Variants in PSD3 observed in about 807,000 individuals in gnomAD.
PSD3 encodes the protein PH and SEC7 domain-containing protein 3.
A neutral mutation model predicts 105.5 loss-of-function variants in PSD3; 49 were observed. That is an observed-to-expected ratio of 0.46 (90% confidence interval 0.37 to 0.59). PSD3 has a LOEUF of 0.59. Ranked by LOEUF, PSD3 falls within the 20% of genes least tolerant of loss-of-function variation. The pLI is 0.00. For synonymous variants in PSD3, 557 were observed against 457.8 expected (o/e 1.22, Z -2.77); for missense variants, 1,561 against 1,263.8 (o/e 1.24, Z -3.57).
intron 9 of PSD3, among the ~76,000 whole-genome samples, chr8:18,761,254 A>G (rs6994455): frequency 0.19 from 29,180 of 152,108 alleles, 4,267 homozygotes; most frequent in African/African-American, 0.4. Context: ...AGCAGAGGCT[A>G]TGTATCTTTG....
At chr8:18,779,641 C>T (rs752538332) in intron 8 of PSD3, among the ~76,000 whole-genome samples, 1 of 151,868 alleles carries the variant, frequency 6.6e-6, no homozygotes, top group Non-Finnish European at 1.5e-5. Context: ...TGTTGTGTTC[C>T]CATTTTGATT....
chr8:18,746,336 T>C (rs563524391), intron 9 of PSD3, among the ~76,000 whole-genome samples: 2 of 152,186 alleles, frequency 1.3e-5, no homozygotes, highest in Non-Finnish European at 2.9e-5. Flanking sequence ...CTGCTGACCC[T>C]TGCTGAAAGC....
intron 12 of PSD3, among the ~76,000 whole-genome samples, chr8:18,580,159 T>A (rs758157716): frequency 6.6e-5 from 10 of 152,132 alleles, no homozygotes; most frequent in Non-Finnish European, 1.2e-4. Flanking sequence ...TATTTCAACA[T>A]GTAAAAGAGC....
intron 1 of PSD3, among the ~76,000 whole-genome samples, chr8:18,970,444 T>A (rs953572456): frequency 2.6e-5 from 4 of 151,846 alleles, no homozygotes; most frequent in Non-Finnish European, 2.9e-5. Context: ...ATTCGATGAA[T>A]TCCCTAAAGG....
At chr8:19,037,950 C>A (rs554063104) in intron 1 of PSD3, among the ~76,000 whole-genome samples, 65 of 148,978 alleles carry the variant, frequency 4.4e-4, no homozygotes, top group African/African-American at 1.6e-3. Context: ...GTTATATACA[C>A]ATTAAAAGTA....
chr8:19,053,502 T>C (rs1231549461), intron 1 of PSD3, among the ~76,000 whole-genome samples: 10 of 152,010 alleles, frequency 6.6e-5, no homozygotes, highest in Non-Finnish European at 4.4e-5. Flanking sequence ...TGAAGCCTAA[T>C]CAAGAGGGAA....
At chr8:18,957,223 T>C (rs59697257) in intron 1 of PSD3, among the ~76,000 whole-genome samples, 59,680 of 151,526 alleles carry the variant, frequency 0.39, 11,920 homozygotes, top group Non-Finnish European at 0.41. Flanking sequence ...ATACAAAAAT[T>C]AGCTGGGCAT....
chr8:18,825,760 G>A (rs950875032), intron 4 of PSD3, among the ~76,000 whole-genome samples: 3 of 152,160 alleles, frequency 2.0e-5, no homozygotes, highest in East Asian at 1.9e-4. Context: ...GCAACTCATT[G>A]CTGGCTTTAA....
At chr8:18,566,769 T>C (rs764990996) in intron 14 of PSD3, among the ~76,000 whole-genome samples, 15 of 152,192 alleles carry the variant, frequency 9.9e-5, no homozygotes, top group African/African-American at 2.9e-4. Context: ...CAATCCCTAA[T>C]TGTGATTATA....
At chr8:18,586,427 A>G (rs1803191938) in intron 12 of PSD3, among the ~76,000 whole-genome samples, 1 of 152,206 alleles carries the variant, frequency 6.6e-6, no homozygotes, top group Admixed American at 6.5e-5. Context: ...ATTGTTCTAT[A>G]TGGGTAAAAA....
intron 12 of PSD3, among the ~76,000 whole-genome samples, chr8:18,590,792 T>C (rs1803544321): frequency 6.6e-6 from 1 of 152,146 alleles, no homozygotes; most frequent in Admixed American, 6.5e-5. Flanking sequence ...TTATAAATGA[T>C]CTAGGGACAG....
In PSD3 at chr8:18,600,387, C is replaced by T; in HGVS notation, c.2458G>A (p.Gly820Arg). 1 of 1,607,466 alleles carries T rather than the reference C, an allele frequency of 6.2e-7. No homozygotes were observed. Among genetic ancestry groups the T allele is most frequent in the Non-Finnish European group, 8.5e-7 (1 of 1,178,254 alleles). The change falls in exon 12 of 16, where the codon GGA (glycine) becomes AGA (arginine). Residue 820 changes from glycine to arginine, a missense_variant. Transcript: ENST00000327040. ...ACCTTTTGCAAGTAAAGAACTGTTC[C>T]CTTCAGTACAGCATAAAAGGTTTTC... ...GWKTFYAVLK[G>R]TVLYLQKDEY... is the part of the protein sequence containing the mutation.
At chr8:18,899,265 C>T (rs927115117) in intron 2 of PSD3, among the ~76,000 whole-genome samples, 1 of 152,116 alleles carries the variant, frequency 6.6e-6, no homozygotes, top group African/African-American at 2.4e-5. Flanking sequence ...GAAATCCTTC[C>T]TCACCACCCC....
chr8:18,767,348 T>A (rs540067175), intron 8 of PSD3, among the ~76,000 whole-genome samples: 1 of 152,284 alleles, frequency 6.6e-6, no homozygotes, highest in African/African-American at 2.4e-5. Context: ...GACAGCAAGA[T>A]ACATCTGTTA....
intron 9 of PSD3, among the ~76,000 whole-genome samples, chr8:18,762,674 T>A (rs1806639777): frequency 6.6e-6 from 1 of 152,196 alleles, no homozygotes; most frequent in African/African-American, 2.4e-5. Context: ...CAACGAAAGC[T>A]GCAATGGAAT....
chr8:18,887,534 G>A (rs1198027999), intron 2 of PSD3, among the ~76,000 whole-genome samples: 1 of 152,110 alleles, frequency 6.6e-6, no homozygotes, highest in African/African-American at 2.4e-5. Flanking sequence ...AAACTAATAG[G>A]TTTATACATG....
intron 2 of PSD3, among the ~76,000 whole-genome samples, chr8:18,929,066 T>G (rs185546477): frequency 2.6e-3 from 401 of 152,304 alleles, no homozygotes; most frequent in African/African-American, 9.2e-3. Flanking sequence ...AAAAATCCAC[T>G]GAATTTTACA....
intron 1 of PSD3, among the ~76,000 whole-genome samples, chr8:18,979,329 T>C (rs1825131113): frequency 1.3e-5 from 2 of 152,252 alleles, no homozygotes; most frequent in South Asian, 2.1e-4. Context: ...CTTTGGATTA[T>C]GTAATTTCTT....
At chr8:19,060,346 AG>A (rs1197851670) in intron 1 of PSD3, among the ~76,000 whole-genome samples, 1 of 152,196 alleles carries the variant, frequency 6.6e-6, no homozygotes, top group Non-Finnish European at 1.5e-5. Context: ...AGGTATCTAC[AG>A]TTTACTTTTA....
Sources: gnomAD v4.1 joint callset for allele counts (sites outside exome capture counted in the v4.1 genomes callset) on GRCh38, gnomAD v4.1.1 for gene constraint, MANE v1.5 for transcripts, NCBI Gene and HGNC (gene_info 2026-07-23, HGNC 2026-07-21) for gene names.